The following IGFL3 variants were observed in gnomAD, a reference collection of about 807,000 sequenced individuals.
The protein encoded by IGFL3 is insulin growth factor-like family member 3.
In IGFL3, 12 loss-of-function variants were observed where a neutral mutation model predicts 17.0. The ratio of observed to expected loss-of-function variants is 0.71; its 90% CI spans 0.45 to 1.14. The LOEUF (loss-of-function observed/expected upper bound fraction) is 1.14, where lower values mean the gene tolerates loss of function less well. Ranked by LOEUF, IGFL3 falls within the 50% of genes most tolerant of loss-of-function variation. The pLI is 0.00. For missense variants in IGFL3, 153 were observed against 151.6 expected (o/e 1.01, Z -0.05); for synonymous variants, 52 against 57.4 (o/e 0.91, Z 0.42).
chr19:46,122,399 T>C (rs1370754805), intron 3 of IGFL3, among the ~76,000 whole-genome samples: 1 of 151,214 alleles, frequency 6.6e-6, no homozygotes, highest in Non-Finnish European at 1.5e-5. Context: ...TAGCTGACCC[T>C]GTTAAAGATC....
In IGFL3 at chr19:46,124,483, C is replaced by T. The variant is rs962782167; in HGVS notation, c.25+142G>A. On this transcript the variant is annotated intron_variant, in intron 1 of 3. Coordinates refer to ENST00000341415, the MANE Select transcript of IGFL3 (RefSeq NM_207393.2). ...CCGTTCAGGCAGGCCCTGAGCAGCACGCTCAGTCACCCTTTGAGGTGACTA... is the reference window on the plus strand; with the variant it reads ...CCGTTCAGGCAGGCCCTGAGCAGCATGCTCAGTCACCCTTTGAGGTGACTA... 116 of 1,125,452 alleles carry T rather than the reference C, an allele frequency of 1.0e-4. 6 individuals are homozygous for T. Among genetic ancestry groups the T allele is most frequent in the Middle Eastern group, 7.9e-4 (4 of 5,046 alleles). 69.7% of individuals were successfully genotyped at this position (1,125,452 alleles called of 1,614,324 possible).
intron 3 of IGFL3, 104 bp downstream of exon 3, chr19:46,123,781 CT>C: frequency 6.1e-6 from 8 of 1,301,098 alleles, no homozygotes; most frequent in Middle Eastern, 2.4e-4. Flanking sequence ...ACCAGCCTGA[CT>C]CTTTTGCCGT....
intron 3 of IGFL3, 146 bp from the exon 4 acceptor site, chr19:46,120,503 C>T (rs1971700724): frequency 8.2e-7 from 1 of 1,218,530 alleles, no homozygotes; most frequent in Non-Finnish European, 1.1e-6. Flanking sequence ...AGGACACAGT[C>T]ACCATGAAAA....
In IGFL3 at chr19:46,120,796, AAG is replaced by A. The variant is rs779717169; in HGVS notation, c.351-441_351-440del. 8.0e-5 allele frequency among the ~76,000 whole-genome samples: 12 copies of A among 150,870 alleles called. 2 individuals carry two copies. Among genetic ancestry groups the A allele is most frequent in the Non-Finnish European group, 1.6e-4 (11 of 67,964 alleles). On this transcript the variant is annotated intron_variant, in intron 3 of 3. Coordinates refer to ENST00000341415, the MANE Select transcript of IGFL3 (RefSeq NM_207393.2). ...AAAAAATGTATATTTCAAAACTATT[AAG>A]AGAGTAAATTTCAAGTGTTCTTACC...
chr19:46,120,221 C>T lies in IGFL3; in HGVS notation c.*109G>A. 1 of 1,512,538 alleles carries T rather than the reference C, an allele frequency of 6.6e-7. No individual in the cohort carries two copies. The highest frequency in any genetic ancestry group is 9.0e-7 in the Non-Finnish European group (1 of 1,113,878). 93.7% of individuals were successfully genotyped at this position (1,512,538 alleles called of 1,614,324 possible). On this transcript the variant is annotated 3_prime_UTR_variant, in exon 4 of 4. Coordinates refer to ENST00000341415, the MANE Select transcript of IGFL3 (RefSeq NM_207393.2). Reference sequence around the variant, plus strand: ...CTCCAAAGCTATGTCATTGAGCCATCCCTCTGAAGTCAAGTTGCTTCTCTC... The same window carrying T: ...CTCCAAAGCTATGTCATTGAGCCATTCCTCTGAAGTCAAGTTGCTTCTCTC...
rs1361586614 is a variant in IGFL3, at chr19:46,124,177, T to C, written c.80-21A>G. The C allele has an allele frequency of 6.2e-6, 10 of 1,610,200 alleles. 1 individual carries two copies. The African/African-American group carries it at 1.1e-4, about 17-fold the overall frequency. On this transcript the variant is annotated intron_variant, in intron 2 of 3. Transcript: ENST00000341415. ...AGCGTCTGGGGGCAGACATTGATGG[T>C]GTACATCCAAGGAAGAACAGATACT... is the stretch of plus-strand genomic sequence containing the variant.
Position 46,120,419 on chromosome 19 carries a change from C to G in IGFL3, c.351-62G>C. 4.4e-6 allele frequency: 7 copies of G among 1,603,658 alleles called. No homozygotes were observed. The South Asian group carries it at 7.8e-5, about 18-fold the overall frequency. ...ATATATTCTCAGGAAAAAATTATCC[C>G]CTACAAAAGCAATTTTAACAAACTT... is the stretch of plus-strand genomic sequence containing the variant. On this transcript the variant is annotated intron_variant, in intron 3 of 3. Transcript: ENST00000341415.
intron 3 of IGFL3, among the ~76,000 whole-genome samples, chr19:46,123,427 A>C (rs1433170528): frequency 1.3e-5 from 2 of 151,080 alleles, no homozygotes; most frequent in Non-Finnish European, 2.9e-5. Flanking sequence ...TTTTAAGTAA[A>C]GTAAGGAAAA....
At chr19:46,123,516 T>C (rs1158220309) in intron 3 of IGFL3, among the ~76,000 whole-genome samples, 3 of 150,906 alleles carry the variant, frequency 2.0e-5, no homozygotes, top group Non-Finnish European at 4.4e-5. Context: ...TGCATATACA[T>C]ATACTGTATA....
At chr19:46,120,838 A>C (rs1971721481) in intron 3 of IGFL3, among the ~76,000 whole-genome samples, 1 of 150,908 alleles carries the variant, frequency 6.6e-6, no homozygotes, top group African/African-American at 2.5e-5. Flanking sequence ...AAAAATGAGA[A>C]ATATTGAAGG....
chr19:46,123,533 T>C (rs1971900240), intron 3 of IGFL3, among the ~76,000 whole-genome samples: 1 of 150,920 alleles, frequency 6.6e-6, no homozygotes, highest in Admixed American at 6.6e-5. Flanking sequence ...TATATTATTA[T>C]AAGCTTCTTC....
In IGFL3 at chr19:46,120,769, T is replaced by TA. The variant is rs1256746549; in HGVS notation, c.351-413dup. Among the ~76,000 whole-genome samples the TA allele has an allele frequency of 2.7e-5, 4 of 150,746 alleles. 1 individual carries two copies. The highest frequency in any genetic ancestry group is 1.5e-5 in the Non-Finnish European group (1 of 67,918). ...TTATTGCATAGCATGATGCATATAG[T>TA]AAAAAAATGTATATTTCAAAACTAT... On this transcript the variant is annotated intron_variant, in intron 3 of 3. Coordinates refer to ENST00000341415, the MANE Select transcript of IGFL3 (RefSeq NM_207393.2).
In IGFL3 at chr19:46,124,254, T is replaced by C; in HGVS notation, c.79+14A>G. ...CACCTCTTCCCTCCTCATTTTTCCCTGTCCTGTCCTTACCTGTAGTTCCTT... is the reference window on the plus strand; with the variant it reads ...CACCTCTTCCCTCCTCATTTTTCCCCGTCCTGTCCTTACCTGTAGTTCCTT... On this transcript the variant is annotated intron_variant, in intron 2 of 3. Coordinates refer to ENST00000341415, the MANE Select transcript of IGFL3 (RefSeq NM_207393.2). The C allele has an allele frequency of 6.2e-7, 1 of 1,610,284 alleles. No homozygotes were observed. The highest frequency in any genetic ancestry group is 8.5e-7 in the Non-Finnish European group (1 of 1,178,668).
Position 46,123,886 on chromosome 19 carries a change from C to T in IGFL3, c.350G>A (p.Arg117Lys), listed in dbSNP as rs1271565878. 3.1e-6 allele frequency: 5 copies of T among 1,608,374 alleles called. No homozygotes were observed. The highest frequency in any genetic ancestry group is 4.2e-6 in the Non-Finnish European group (5 of 1,178,148). ...TTAAGAGCAAGGTAGGGACCTTTACCTGGTACAGCTCCGGGAGATGGGAGA... is the reference window on the plus strand; with the variant it reads ...TTAAGAGCAAGGTAGGGACCTTTACTTGGTACAGCTCCGGGAGATGGGAGA... ...HLSPISRSCT[R>K]NRRHVLYP Residue 117 changes from arginine (R) to lysine (K), a missense_variant and splice_region_variant, in exon 3 of 4, where the codon AGG (arginine) becomes AAG (lysine). Arg to Lys is a conservative substitution (Grantham distance 26). Transcript: ENST00000341415.
intron 3 of IGFL3, among the ~76,000 whole-genome samples, chr19:46,120,724 T>C (rs1315229072): frequency 6.6e-6 from 1 of 150,980 alleles, no homozygotes; most frequent in Non-Finnish European, 1.5e-5. Flanking sequence ...ATACAGATAT[T>C]ATAAACTTCT....
At chr19:46,122,969 G>T (rs1004776583) in intron 3 of IGFL3, among the ~76,000 whole-genome samples, 1 of 150,442 alleles carries the variant, frequency 6.6e-6, no homozygotes, top group Non-Finnish European at 1.5e-5. Flanking sequence ...TCTTTCCAGG[G>T]TAAAAAAAAT....
chr19:46,122,699 A>G (rs1315035813), intron 3 of IGFL3, among the ~76,000 whole-genome samples: 2 of 150,924 alleles, frequency 1.3e-5, no homozygotes, highest in Non-Finnish European at 2.9e-5. Flanking sequence ...TGTTGCATGG[A>G]AAAATGCCCC....
intron 3 of IGFL3, among the ~76,000 whole-genome samples, chr19:46,121,521 T>G (rs370807185): frequency 2.7e-5 from 4 of 150,402 alleles, no homozygotes; most frequent in African/African-American, 7.4e-5. Context: ...AGGAGTAGTA[T>G]TTTCTCTCAG....
intron 3 of IGFL3, 95 bp downstream of exon 3, chr19:46,123,791 G>A (rs957222845): frequency 2.6e-5 from 36 of 1,378,430 alleles, no homozygotes; most frequent in Middle Eastern, 2.2e-4. Context: ...CTCTTTTGCC[G>A]TTAGAACTCC....
Sources: gnomAD v4.1 joint callset for allele counts (sites outside exome capture counted in the v4.1 genomes callset) on GRCh38, gnomAD v4.1.1 for gene constraint, MANE v1.5 for transcripts, NCBI Gene and HGNC (gene_info 2026-07-23, HGNC 2026-07-21) for gene names.